TNIP2: variants seen among roughly 807,000 people sequenced by gnomAD.
The protein encoded by TNIP2 is TNFAIP3 interacting protein 2.
A neutral mutation model predicts 43.7 loss-of-function variants in TNIP2; 30 were observed. The observed-to-expected ratio is 0.69, with a 90% CI of 0.51 to 0.93. The LOEUF is 0.93. TNIP2 is among the 40% of genes least tolerant of loss of function. The pLI is 0.00. For synonymous variants in TNIP2, 260 were observed against 254.6 expected (o/e 1.02, Z -0.20); for missense variants, 599 against 591.0 (o/e 1.01, Z -0.14).
chr4:2,744,646 C>G lies in TNIP2; in HGVS notation c.906+51G>C. On this transcript the variant is annotated intron_variant, in intron 4 of 5. Coordinates refer to ENST00000315423, the MANE Select transcript of TNIP2 (RefSeq NM_024309.4). This position sits in a 1 kb window ranked among gnomAD's most constrained non-coding sequence, Gnocchi z 5.1. ...GCCTGTCCCATGATTTCGGCCACCACCGGCCAGCAGACATCTGGTCAGTGC... is the reference window on the plus strand; with the variant it reads ...GCCTGTCCCATGATTTCGGCCACCAGCGGCCAGCAGACATCTGGTCAGTGC... 1 of 1,584,842 alleles carries G rather than the reference C, an allele frequency of 6.3e-7. No homozygotes were observed. Among genetic ancestry groups the G allele is most frequent in the Non-Finnish European group, 8.6e-7 (1 of 1,168,982 alleles).
rs775627472 is a variant in TNIP2, at chr4:2,744,826, C to T, written c.777G>A (p.Lys259=). Residue 259 remains lysine (K), a synonymous_variant, in exon 4 of 6, where the codon AAG becomes AAA. Transcript: ENST00000315423. The surrounding 1 kb of genome is among the most constrained non-coding windows in gnomAD (Gnocchi z 5.1). The part of the protein sequence containing the change: ...QIPHEPELMR[K]EISRLNRQLE... ...ACTGTCTGTTGAGCCGGGAGATCTC[C>T]TTCCTCATCAGCTCGGGCTCGTGGG... The T allele has an allele frequency of 2.5e-6, 4 of 1,613,928 alleles. No individual in the cohort carries two copies. The highest frequency in any genetic ancestry group is 1.6e-4 in the Middle Eastern group (1 of 6,062).
chr4:2,754,776 A>T (rs772098627), intron 1 of TNIP2, among the ~76,000 whole-genome samples: 1 of 152,196 alleles, frequency 6.6e-6, no homozygotes, highest in Non-Finnish European at 1.5e-5. Context: ...CCCAGGTTGG[A>T]GTGCAGTGGT....
chr4:2,752,156 A>G lies in TNIP2; in HGVS notation c.276+3858T>C, dbSNP rs757734835. Among the ~76,000 whole-genome samples the G allele has an allele frequency of 4.1e-4, 62 of 152,108 alleles. No individual in the cohort carries two copies. In the Middle Eastern group the frequency reaches 0.017, roughly 42 times the overall value. ...AAAGAAAGAAAAGAAGAGAAGAGAA[A>G]AGAAAAGAAAGAGCCAAGAAAACAA... On this transcript the variant is annotated intron_variant, in intron 1 of 5. Coordinates refer to ENST00000315423, the MANE Select transcript of TNIP2 (RefSeq NM_024309.4).
Position 2,756,308 on chromosome 4 carries a change from G to T in TNIP2, c.-19C>A. On this transcript the variant is annotated 5_prime_UTR_variant, in exon 1 of 6. Coordinates refer to ENST00000315423, the MANE Select transcript of TNIP2 (RefSeq NM_024309.4). ...GGGACATGGCTGTAGGCCCGCCCGG[G>T]AGGCCGCGCGGCCGCCGGCAACTTC... 6 of 1,214,128 alleles carry T rather than the reference G, an allele frequency of 4.9e-6. 1 individual carries two copies. Among genetic ancestry groups the T allele is most frequent in the Non-Finnish European group, 5.1e-6 (5 of 977,078 alleles). 75.2% of individuals were successfully genotyped at this position (1,214,128 alleles called of 1,614,324 possible).
At chr4:2,745,022 T>C in intron 3 of TNIP2, 77 bp from the exon 4 acceptor site, 3 of 1,522,260 alleles carry the variant, frequency 2.0e-6, no homozygotes, top group East Asian at 2.3e-5. Context: ...GTGTGAATTA[T>C]GTATTAGCAG....
At position 2,744,091 on chromosome 4, in the gene TNIP2, C is replaced by T. The variant is rs529391722; in HGVS notation, c.1026+296G>A. ...CGTAGGGAGCTCACACTTTGAGGCC[C>T]GAGATATGCTCTCTGACTGCATGAC... On this transcript the variant is annotated intron_variant, in intron 5 of 5. Coordinates refer to ENST00000315423, the MANE Select transcript of TNIP2 (RefSeq NM_024309.4). This position sits in a 1 kb window ranked among gnomAD's most constrained non-coding sequence, Gnocchi z 5.1. Among the ~76,000 whole-genome samples, 1 of 152,286 alleles carries T rather than the reference C, an allele frequency of 6.6e-6. No individual in the cohort carries two copies. Among genetic ancestry groups the T allele is most frequent in the South Asian group, 2.1e-4 (1 of 4,822 alleles).
intron 1 of TNIP2, among the ~76,000 whole-genome samples, chr4:2,752,102 T>TAAA (rs77704885): frequency 1.9e-5 from 2 of 103,848 alleles, no homozygotes; most frequent in South Asian, 2.9e-4. Flanking sequence ...AGACTCAGTT[T>TAAA]AAAAAAAAAA....
chr4:2,747,177 T>C (rs1250564369), intron 2 of TNIP2, among the ~76,000 whole-genome samples: 1 of 152,236 alleles, frequency 6.6e-6, no homozygotes, highest in Admixed American at 6.5e-5. Context: ...TGTGCCTGCA[T>C]GCACTCAGAC....
Position 2,756,033 on chromosome 4 carries a change from G to A in TNIP2, c.257C>T (p.Ala86Val), listed in dbSNP as rs1325976425. The A allele has an allele frequency of 6.5e-7, 1 of 1,549,034 alleles. No homozygotes were observed. The highest frequency in any genetic ancestry group is 1.9e-5 in the Admixed American group (1 of 54,030). The stretch of plus-strand genomic sequence containing the variant: ...TCGTACCTGGCGCATCTGGGCCTCG[G>A]CGGCGCCGCCCTCCTGCCTTCGCAG... Reference protein sequence around the residue: ...EQLRRQEGGAAEAQMRQEIER... With the variant: ...EQLRRQEGGAVEAQMRQEIER... The change falls in exon 1 of 6, where the codon GCC becomes GTC. Residue 86 changes from alanine to valine, a missense_variant. Physicochemically the swap from Ala to Val is moderately conservative, Grantham distance 64. Coordinates refer to ENST00000315423, the MANE Select transcript of TNIP2 (RefSeq NM_024309.4).
At chr4:2,748,051 GACACAAACATACTCACTCAGAAGTTGGGC>G in intron 1 of TNIP2, 106 bp from the exon 2 acceptor site, 1 of 1,197,080 alleles carries the variant, frequency 8.4e-7, no homozygotes, top group Non-Finnish European at 1.2e-6. Context: ...CCCATCACCA[GACACAAACATACTCACTCAGAAGTTGGGC>G]GTTTGAACTA....
chr4:2,753,962 T>G (rs1722163117), intron 1 of TNIP2, among the ~76,000 whole-genome samples: 1 of 152,240 alleles, frequency 6.6e-6, no homozygotes, highest in Non-Finnish European at 1.5e-5. Context: ...CCATGCCAAG[T>G]GTACACACAC....
At chr4:2,755,964 C>T (rs1290566322) in intron 1 of TNIP2, 50 bp downstream of exon 1, 6 of 1,490,054 alleles carry the variant, frequency 4.0e-6, no homozygotes, top group Non-Finnish European at 5.3e-6. Flanking sequence ...ACCCGGCGGC[C>T]GCCACACGCA....
chr4:2,744,048 CACAG>C lies in TNIP2; in HGVS notation c.1026+335_1026+338del, dbSNP rs1721868706. On this transcript the variant is annotated intron_variant, in intron 5 of 5. Coordinates refer to ENST00000315423, the MANE Select transcript of TNIP2 (RefSeq NM_024309.4). This position sits in a 1 kb window ranked among gnomAD's most constrained non-coding sequence, Gnocchi z 5.1. ...GACAAGGTAAGCGGGGTTCCCGTCT[CACAG>C]ACAGGTCAGGACACGTAGGGAGCTC... is the stretch of plus-strand genomic sequence containing the variant. Among the ~76,000 whole-genome samples the C allele has an allele frequency of 6.6e-6, 1 of 152,214 alleles. No individual in the cohort carries two copies. The highest frequency in any genetic ancestry group is 1.5e-5 in the Non-Finnish European group (1 of 68,046).
chr4:2,742,339 A>G lies in TNIP2; in HGVS notation c.1208T>C (p.Leu403Pro). ...PGAAQRGQGD[L>P]QCPHCLQCFS... ...GCACTGCAGGCAGTGAGGGCACTGAAGGTCCCCCTGGCCTCTCTGGGCCGC... is the reference window on the plus strand; with the variant it reads ...GCACTGCAGGCAGTGAGGGCACTGAGGGTCCCCCTGGCCTCTCTGGGCCGC... The change falls in exon 6 of 6, where the codon CTT becomes CCT. Residue 403 changes from leucine to proline, a missense_variant. Leu to Pro is a moderately conservative substitution (Grantham distance 98, BLOSUM62 -3). Transcript: ENST00000315423. The G allele has an allele frequency of 6.3e-7, 1 of 1,575,528 alleles. No individual in the cohort carries two copies. The highest frequency in any genetic ancestry group is 8.6e-7 in the Non-Finnish European group (1 of 1,158,344).
Position 2,756,275 on chromosome 4 carries a change from C to T in TNIP2, c.15G>A (p.Pro5=). The change falls in exon 1 of 6, where the codon CCG becomes CCA. Residue 5 remains proline (P), a synonymous_variant. Transcript: ENST00000315423. The part of the protein sequence containing the change: MSRD[P]GSGGWEEAPR... ...GGGCCTCCTCCCAGCCGCCCGACCCCGGGTCCCGGGACATGGCTGTAGGCC... is the reference window on the plus strand; with the variant it reads ...GGGCCTCCTCCCAGCCGCCCGACCCTGGGTCCCGGGACATGGCTGTAGGCC... The T allele has an allele frequency of 7.1e-7, 1 of 1,417,832 alleles. No individual in the cohort carries two copies. 87.8% of individuals were successfully genotyped at this position (1,417,832 alleles called of 1,614,324 possible).
intron 1 of TNIP2, among the ~76,000 whole-genome samples, chr4:2,750,315 T>C (rs1722067527): frequency 6.6e-6 from 1 of 151,780 alleles, no homozygotes; most frequent in African/African-American, 2.4e-5. Context: ...GTACTTGAGG[T>C]AAGAAGGGAC....
chr4:2,743,775 G>A (rs149024151), intron 5 of TNIP2, among the ~76,000 whole-genome samples: 143 of 152,336 alleles, frequency 9.4e-4, no homozygotes, highest in African/African-American at 3.4e-3. Context: ...ACTTGATGAG[G>A]AGCTACATAA....
chr4:2,755,854 T>G (rs1577314614), intron 1 of TNIP2, 160 bp downstream of exon 1: 2 of 690,302 alleles, frequency 2.9e-6, no homozygotes, highest in Non-Finnish European at 3.5e-6. Flanking sequence ...CAGGACCTGG[T>G]GCTCCCCCAA....
chr4:2,743,631 A>C (rs1721854689), intron 5 of TNIP2, among the ~76,000 whole-genome samples: 1 of 152,080 alleles, frequency 6.6e-6, no homozygotes, highest in African/African-American at 2.4e-5. Flanking sequence ...ACACCCTGAA[A>C]CACGGCTGAC....
Sources: allele counts gnomAD v4.1 joint callset (sites outside exome capture counted in the v4.1 genomes callset), GRCh38; gene constraint gnomAD v4.1.1; non-coding constraint Gnocchi (gnomAD v3.1); transcripts MANE v1.5; gene names NCBI Gene and HGNC (gene_info 2026-07-23, HGNC 2026-07-21).